Variants in DDHD1 observed in about 807,000 individuals in gnomAD.
DDHD1 encodes phospholipase DDHD1.
Under a neutral mutation model 96.4 loss-of-function variants are expected in DDHD1, and 49 were observed. The observed-to-expected ratio is 0.51, with a 90% CI of 0.40 to 0.64. The LOEUF (loss-of-function observed/expected upper bound fraction) is 0.64. DDHD1 is among the 30% of genes least tolerant of loss of function. The probability of loss-of-function intolerance (pLI) is 0.00; values close to 1 mark genes in which losing one functional copy is unlikely to be tolerated. For synonymous variants in DDHD1, 442 were observed against 446.5 expected (o/e 0.99, Z 0.13); for missense variants, 1,106 against 1,161.2 (o/e 0.95, Z 0.69).
In DDHD1 at chr14:53,046,727, A is replaced by C. The variant is rs775165211; in HGVS notation, c.*41T>G. ...TGACACACACATTTTAACGGAAAAAAAAAAAATCAGTTTTAGGCCATTCAT... is the reference window on the plus strand; with the variant it reads ...TGACACACACATTTTAACGGAAAAACAAAAAATCAGTTTTAGGCCATTCAT... On this transcript the variant is annotated 3_prime_UTR_variant, in exon 13 of 13. Transcript: ENST00000673822. 1 of 1,413,224 alleles carries C rather than the reference A, an allele frequency of 7.1e-7. No homozygotes were observed. 87.5% of individuals were successfully genotyped at this position (1,413,224 alleles called of 1,614,324 possible).
intron 12 of DDHD1, among the ~76,000 whole-genome samples, chr14:53,049,408 T>C (rs1398775295): frequency 6.6e-6 from 1 of 152,222 alleles, no homozygotes; most frequent in African/African-American, 2.4e-5. Context: ...TGTAGGTGGA[T>C]GGATGAAACT....
intron 6 of DDHD1, among the ~76,000 whole-genome samples, chr14:53,072,083 C>G (rs1232786196): frequency 6.6e-6 from 1 of 152,018 alleles, no homozygotes; most frequent in African/African-American, 2.4e-5. Context: ...GTTAGTTATT[C>G]CTACTAAACA....
At chr14:53,092,423 A>C (rs1438840822) in intron 3 of DDHD1, 3 of 152,196 alleles carry the variant, frequency 2.0e-5, no homozygotes, top group African/African-American at 7.2e-5. Context: ...TGAAATTAAA[A>C]TTTTAAAATA....
At chr14:53,126,490 C>A (rs184268508) in intron 1 of DDHD1, among the ~76,000 whole-genome samples, 8 of 152,282 alleles carry the variant, frequency 5.3e-5, no homozygotes, top group African/African-American at 1.9e-4. Context: ...ACTTCAGCTC[C>A]CAAGTAGCTG....
rs541450227 is a variant in DDHD1, at chr14:53,138,938, G to T, written c.838+13323C>A. ...GGAGAGGGGAACAGTGGCAGGTATG[G>T]AAAGGTCTGCCTGGATCCTTACAAG... On this transcript the variant is annotated intron_variant, in intron 1 of 12. Transcript: ENST00000673822. Among the ~76,000 whole-genome samples the T allele has an allele frequency of 3.3e-5, 5 of 152,218 alleles. No individual in the cohort carries two copies. In the East Asian group the frequency reaches 9.7e-4, roughly 29 times the overall value.
At position 53,117,460 on chromosome 14, in the gene DDHD1, C is replaced by T. The variant is rs576462837; in HGVS notation, c.839-13604G>A. Among the ~76,000 whole-genome samples the T allele has an allele frequency of 8.5e-5, 13 of 152,324 alleles. No homozygotes were observed. The South Asian group carries it at 2.3e-3, about 27-fold the overall frequency. On this transcript the variant is annotated intron_variant, in intron 1 of 12. Transcript: ENST00000673822. ...CTCACCAAATACTGCACTATTCCCACAGTCTTAGCAACCGGCAGACCAGGA... is the reference window on the plus strand; with the variant it reads ...CTCACCAAATACTGCACTATTCCCATAGTCTTAGCAACCGGCAGACCAGGA...
intron 1 of DDHD1, among the ~76,000 whole-genome samples, chr14:53,121,355 T>C (rs191991395): frequency 1.3e-5 from 2 of 152,260 alleles, no homozygotes; most frequent in Admixed American, 1.3e-4. Flanking sequence ...AGTTCAACCA[T>C]TGTGGAAGAC....
chr14:53,113,233 G>T (rs1207413690), intron 1 of DDHD1, among the ~76,000 whole-genome samples: 1 of 151,742 alleles, frequency 6.6e-6, no homozygotes, highest in Non-Finnish European at 1.5e-5. Context: ...CTCCCAAAGT[G>T]CTGGGATTAC....
chr14:53,129,165 G>C (rs369280300), intron 1 of DDHD1, among the ~76,000 whole-genome samples: 1 of 152,162 alleles, frequency 6.6e-6, no homozygotes, highest in Non-Finnish European at 1.5e-5. Context: ...TCAAATGGAC[G>C]TGCATGACAT....
Position 53,152,574 on chromosome 14 carries a change from GTCC to G in DDHD1, c.522_524del (p.Glu174del). ...CGATGAAGGGCTTCCAGGTCTTCTT[GTCC>G]TCCTTGTAGAACCAGCGTACCTCCT... On this transcript the variant is annotated inframe_deletion, in exon 1 of 13. Coordinates refer to ENST00000673822, the MANE Select transcript of DDHD1 (RefSeq NM_001160148.2). 4 of 1,613,932 alleles carry G rather than the reference GTCC, an allele frequency of 2.5e-6. No individual in the cohort carries two copies. Among genetic ancestry groups the G allele is most frequent in the African/African-American group, 1.3e-5 (1 of 75,046 alleles).
chr14:53,073,664 G>A, intron 5 of DDHD1, 77 bp downstream of exon 5: 1 of 1,243,142 alleles, frequency 8.0e-7, no homozygotes, highest in South Asian at 1.4e-5. Context: ...AACAAAAAGT[G>A]TTTTCTAAAA....
intron 1 of DDHD1, among the ~76,000 whole-genome samples, chr14:53,126,008 A>AT (rs1312711235): frequency 2.0e-5 from 3 of 152,040 alleles, no homozygotes; most frequent in African/African-American, 7.2e-5. Context: ...GCAAAGATGG[A>AT]TTTTTTAAGA....
chr14:53,141,267 C>G (rs1890623276), intron 1 of DDHD1, among the ~76,000 whole-genome samples: 1 of 152,168 alleles, frequency 6.6e-6, no homozygotes, highest in South Asian at 2.1e-4. Flanking sequence ...AAGGTTAACT[C>G]CCCTAGAATC....
Position 53,038,714 on chromosome 14 carries a change from A to T in DDHD1, c.*8054T>A, listed in dbSNP as rs190918435. The T allele has an allele frequency of 5.3e-5, 8 of 152,310 alleles. No homozygotes were observed. Among genetic ancestry groups the T allele is most frequent in the African/African-American group, 1.9e-4 (8 of 41,568 alleles). The allele number at this position is 152,310 out of a possible 1,614,324, so 9.4% of individuals were successfully genotyped here. A position where few individuals can be genotyped will look rare whatever the true frequency, so the allele number is the denominator to read the frequency against. ...TTCTAAAATTCAGATGGAACCAAAGAAAGAGCCTGAATAGCCAAAGCAACC... is the reference window on the plus strand; with the variant it reads ...TTCTAAAATTCAGATGGAACCAAAGTAAGAGCCTGAATAGCCAAAGCAACC... On this transcript the variant is annotated 3_prime_UTR_variant, in exon 13 of 13. Coordinates refer to ENST00000673822, the MANE Select transcript of DDHD1 (RefSeq NM_001160148.2).
At chr14:53,059,665 A>G (rs1595098289) in intron 8 of DDHD1, among the ~76,000 whole-genome samples, 1 of 149,074 alleles carries the variant, frequency 6.7e-6, no homozygotes, top group Non-Finnish European at 1.5e-5. Flanking sequence ...GGAGTTCGAG[A>G]CCAGCCTGGC....
At chr14:53,096,587 G>A (rs1158167492) in intron 2 of DDHD1, among the ~76,000 whole-genome samples, 2 of 151,920 alleles carry the variant, frequency 1.3e-5, no homozygotes, top group Non-Finnish European at 2.9e-5. Context: ...ATTTGTGACT[G>A]ACACAGCCAA....
chr14:53,095,902 T>C (rs1953561), intron 2 of DDHD1, among the ~76,000 whole-genome samples: 85,805 of 151,954 alleles, frequency 0.56, 25,770 homozygotes, highest in South Asian at 0.7. Flanking sequence ...ATATATCATC[T>C]TAAACCATTT....
intron 6 of DDHD1, among the ~76,000 whole-genome samples, chr14:53,063,494 A>C (rs904265659): frequency 4.6e-5 from 7 of 152,018 alleles, no homozygotes; most frequent in African/African-American, 9.7e-5. Flanking sequence ...AAAAAAAAAA[A>C]AAACCAAAGT....
intron 2 of DDHD1, among the ~76,000 whole-genome samples, chr14:53,099,095 T>C (rs966274007): frequency 6.6e-6 from 1 of 152,144 alleles, no homozygotes; most frequent in African/African-American, 2.4e-5. Flanking sequence ...TTTGGGTTAA[T>C]TGAATATTTT....
Sources: allele counts gnomAD v4.1 joint callset (sites outside exome capture counted in the v4.1 genomes callset), GRCh38; gene constraint gnomAD v4.1.1; transcripts MANE v1.5; gene names NCBI Gene and HGNC (gene_info 2026-07-23, HGNC 2026-07-21).